Variants in FSTL4 observed in about 807,000 individuals in gnomAD.
FSTL4 encodes follistatin-related protein 4.
A neutral mutation model predicts 78.2 loss-of-function variants in FSTL4; 28 were observed. The ratio of observed to expected loss-of-function variants is 0.36; its 90% confidence interval spans 0.27 to 0.49. The LOEUF (loss-of-function observed/expected upper bound fraction) is 0.49, where lower values mean the gene tolerates loss of function less well. Ranked by LOEUF, FSTL4 falls within the 20% of genes least tolerant of loss-of-function variation. The probability of loss-of-function intolerance (pLI) is 0.98; values close to 1 mark genes in which losing one functional copy is unlikely to be tolerated. For synonymous variants in FSTL4, 422 were observed against 440.5 expected (o/e 0.96, Z 0.53); for missense variants, 922 against 1,084.9 (o/e 0.85, Z 2.11).
intron 4 of FSTL4, among the ~76,000 whole-genome samples, chr5:133,344,597 A>ATTC: frequency 6.6e-6 from 1 of 152,290 alleles, no homozygotes; most frequent in Middle Eastern, 3.4e-3. Context: ...TTTGCTTAAT[A>ATTC]TTTTATGATG....
At chr5:133,406,225 T>C (rs574544434) in intron 3 of FSTL4, among the ~76,000 whole-genome samples, 16 of 152,280 alleles carry the variant, frequency 1.1e-4, no homozygotes, top group African/African-American at 3.8e-4. Flanking sequence ...TGGAGCACCC[T>C]TGGGTGCCCT....
intron 3 of FSTL4, among the ~76,000 whole-genome samples, chr5:133,480,775 C>A (rs1363441041): frequency 2.0e-5 from 3 of 152,118 alleles, no homozygotes; most frequent in African/African-American, 7.2e-5. Context: ...AGCTGAATAA[C>A]CTTCTTCATG....
At chr5:133,707,766 C>G in the FSTL4 span, among the ~76,000 whole-genome samples, 22 of 152,178 alleles carry the variant, frequency 1.4e-4, no homozygotes, top group African/African-American at 4.8e-4. Flanking sequence ...GGCCACCAGG[C>G]TAGAGCAGCT....
At chr5:133,217,474 T>C in intron 12 of FSTL4, 96 bp from the exon 13 acceptor site, 1 of 1,144,206 alleles carries the variant, frequency 8.7e-7, no homozygotes, top group Non-Finnish European at 1.2e-6. Context: ...TGTGCCTTTC[T>C]TCCTCTCTCT....
chr5:133,761,548 G>A, the FSTL4 span, among the ~76,000 whole-genome samples: 1 of 152,284 alleles, frequency 6.6e-6, no homozygotes, highest in South Asian at 2.1e-4. Context: ...ACAATCGTTT[G>A]CTTCTTCCAG....
intron 2 of FSTL4, among the ~76,000 whole-genome samples, chr5:133,595,957 G>A (rs750035258): frequency 6.6e-6 from 1 of 152,218 alleles, no homozygotes; most frequent in South Asian, 2.1e-4. Context: ...CGGCAGCACA[G>A]GCAAGAGGCA....
chr5:133,698,690 C>T, the FSTL4 span, among the ~76,000 whole-genome samples: 1 of 152,272 alleles, frequency 6.6e-6, no homozygotes, highest in Non-Finnish European at 1.5e-5. Flanking sequence ...ATGGGAGATG[C>T]TTTCCCTGTT....
At chr5:133,711,079 C>T in the FSTL4 span, among the ~76,000 whole-genome samples, 5 of 152,192 alleles carry the variant, frequency 3.3e-5, no homozygotes. Context: ...GTCGTGTTCT[C>T]AGTCAGAGAA....
chr5:133,629,501 T>C, the FSTL4 span, among the ~76,000 whole-genome samples: 1 of 152,120 alleles, frequency 6.6e-6, no homozygotes, highest in East Asian at 1.9e-4. Flanking sequence ...GAGGCAGTAA[T>C]TAACAGCCTA....
At chr5:133,753,529 T>A in the FSTL4 span, among the ~76,000 whole-genome samples, 2 of 152,162 alleles carry the variant, frequency 1.3e-5, no homozygotes, top group African/African-American at 4.8e-5. Context: ...GACACTTATA[T>A]GGGAAACTGA....
the FSTL4 span, among the ~76,000 whole-genome samples, chr5:133,814,241 G>A: frequency 6.6e-6 from 1 of 152,194 alleles, no homozygotes; most frequent in Non-Finnish European, 1.5e-5. Context: ...GCAAGGTTCT[G>A]GGGAGGAGAA....
intron 3 of FSTL4, among the ~76,000 whole-genome samples, chr5:133,447,688 C>T (rs555511575): frequency 5.3e-5 from 8 of 152,202 alleles, no homozygotes; most frequent in South Asian, 4.2e-4. Context: ...TACAGGTGCC[C>T]GCCACCACAT....
intron 3 of FSTL4, among the ~76,000 whole-genome samples, chr5:133,412,675 T>C (rs1279997453): frequency 6.6e-6 from 1 of 152,178 alleles, no homozygotes; most frequent in East Asian, 1.9e-4. Context: ...TTCCCATGTG[T>C]CCCTCTCCAG....
chr5:133,234,235 A>G (rs999133336), intron 7 of FSTL4, among the ~76,000 whole-genome samples: 3 of 152,198 alleles, frequency 2.0e-5, no homozygotes, highest in African/African-American at 7.2e-5. Context: ...ATAGAACTAA[A>G]GGGAAAATGG....
chr5:133,568,108 G>A (rs1760067964), intron 2 of FSTL4, among the ~76,000 whole-genome samples: 1 of 152,186 alleles, frequency 6.6e-6, no homozygotes, highest in Non-Finnish European at 1.5e-5. Context: ...ATAGGAAAAT[G>A]TTGGGTGGTA....
chr5:133,532,835 C>T (rs1464399491), intron 3 of FSTL4, among the ~76,000 whole-genome samples: 1 of 152,174 alleles, frequency 6.6e-6, no homozygotes, highest in African/African-American at 2.4e-5. Context: ...AGTACCAATC[C>T]TGAGTCTCCC....
intron 3 of FSTL4, among the ~76,000 whole-genome samples, chr5:133,453,154 CT>C (rs1359997534): frequency 6.6e-6 from 1 of 152,198 alleles, no homozygotes; most frequent in Non-Finnish European, 1.5e-5. Context: ...TGTCACTCTT[CT>C]TCTACATCCA....
intron 4 of FSTL4, among the ~76,000 whole-genome samples, chr5:133,395,516 C>G (rs905570100): frequency 1.3e-5 from 2 of 152,258 alleles, no homozygotes; most frequent in African/African-American, 4.8e-5. Context: ...CGGCTTCATT[C>G]TCGAAGTCAG....
At chr5:133,342,860 C>G (rs1438441780) in intron 4 of FSTL4, among the ~76,000 whole-genome samples, 2 of 152,194 alleles carry the variant, frequency 1.3e-5, no homozygotes, top group Non-Finnish European at 2.9e-5. Flanking sequence ...CACATGGCAG[C>G]CATAGAACCC....
Sources: gnomAD v4.1 joint callset for allele counts (sites outside exome capture counted in the v4.1 genomes callset) on GRCh38, gnomAD v4.1.1 for gene constraint, MANE v1.5 for transcripts, NCBI Gene and HGNC (gene_info 2026-07-23, HGNC 2026-07-21) for gene names.